WWC1: variants seen among roughly 807,000 people sequenced by gnomAD.
WWC1 encodes the protein WW and C2 domain containing 1.
In WWC1, 55 loss-of-function variants were observed where a neutral mutation model predicts 138.4. The ratio of observed to expected loss-of-function variants is 0.40; its 90% CI spans 0.32 to 0.50. The LOEUF (loss-of-function observed/expected upper bound fraction) is 0.50. Ranked by LOEUF, WWC1 falls within the 20% of genes least tolerant of loss-of-function variation. The pLI, the probability that WWC1 is intolerant of heterozygous loss-of-function variation, is 0.72. For missense variants in WWC1, 1,226 were observed against 1,420.4 expected (o/e 0.86, Z 2.20); for synonymous variants, 524 against 564.9 (o/e 0.93, Z 1.03).
At chr5:168,444,862 T>TAAAA (rs56691330) in intron 17 of WWC1, among the ~76,000 whole-genome samples, 8 of 144,790 alleles carry the variant, frequency 5.5e-5, no homozygotes, top group African/African-American at 7.6e-5. Context: ...TTTATTTTGC[T>TAAAA]AAAAAAAAAA....
intron 1 of WWC1, among the ~76,000 whole-genome samples, chr5:168,369,385 TTTG>T (rs941616553): frequency 3.3e-5 from 5 of 152,106 alleles, no homozygotes; most frequent in South Asian, 2.1e-4. Flanking sequence ...CCTTATTTGT[TTTG>T]TTGTTGTTGT....
chr5:168,367,371 C>A (rs1049391423), intron 1 of WWC1, among the ~76,000 whole-genome samples: 3 of 151,574 alleles, frequency 2.0e-5, no homozygotes, highest in Admixed American at 6.6e-5. Context: ...TTGCTCTGTC[C>A]CCCAGGCTGG....
intron 18 of WWC1, among the ~76,000 whole-genome samples, chr5:168,454,578 A>C (rs1756132546): frequency 6.6e-6 from 1 of 152,200 alleles, no homozygotes; most frequent in Admixed American, 6.5e-5. Context: ...CTAGGGTCAC[A>C]TTACAGCAGG....
At chr5:168,302,640 CGT>C (rs1197154644) in intron 1 of WWC1, among the ~76,000 whole-genome samples, 3 of 152,086 alleles carry the variant, frequency 2.0e-5, no homozygotes, top group Non-Finnish European at 4.4e-5. Context: ...GTCTCCAACT[CGT>C]AGAATTTACT....
At chr5:168,464,584 A>C in intron 20 of WWC1, 145 bp from the exon 21 acceptor site, 1 of 1,379,992 alleles carries the variant, frequency 7.2e-7, no homozygotes, top group South Asian at 1.5e-5. Flanking sequence ...GGGAGAATTC[A>C]AAACAGGCTT....
intron 3 of WWC1, among the ~76,000 whole-genome samples, chr5:168,390,163 A>G (rs1230456563): frequency 6.6e-6 from 1 of 152,202 alleles, no homozygotes; most frequent in African/African-American, 2.4e-5. Context: ...TATAAAATCA[A>G]TCTAATCATA....
intron 1 of WWC1, among the ~76,000 whole-genome samples, chr5:168,311,109 A>G (rs1211200609): frequency 6.6e-6 from 1 of 152,014 alleles, no homozygotes; most frequent in Non-Finnish European, 1.5e-5. Flanking sequence ...CATGCCCTAC[A>G]CTTTGCCATT....
rs1421443659 is a variant in WWC1 at position 168,292,931 on chromosome 5, A to C, written c.119+660A>C. Among the ~76,000 whole-genome samples the C allele has an allele frequency of 6.6e-6, 1 of 152,150 alleles. No individual in the cohort carries two copies. The highest frequency in any genetic ancestry group is 2.4e-5 in the African/African-American group (1 of 41,442). On this transcript the variant is annotated intron_variant, in intron 1 of 22. Coordinates refer to ENST00000265293, the MANE Select transcript of WWC1 (RefSeq NM_015238.3). This position sits in a 1 kb window ranked among gnomAD's most constrained non-coding sequence, Gnocchi z 4.4. ...ACTGGTTATCCAGGAATCTGGCAGCAACTTGGAAGCTGTTAGGATGGAGAT... is the reference window on the plus strand; with the variant it reads ...ACTGGTTATCCAGGAATCTGGCAGCCACTTGGAAGCTGTTAGGATGGAGAT...
rs67125136 is a variant in WWC1 at position 168,406,966 on chromosome 5, AAGAG to A, written c.720+652_720+655del. 6.6e-3 allele frequency among the ~76,000 whole-genome samples: 994 copies of A among 150,828 alleles called. 9 individuals carry two copies. The highest frequency in any genetic ancestry group is 0.023 in the African/African-American group (941 of 41,140). On this transcript the variant is annotated intron_variant, in intron 6 of 22. Transcript: ENST00000265293. ...CAAAAAATAAATAAATAAATAAATA[AAGAG>A]AGAGAGAGAGAGTCTTGCTATGTTG...
rs139884736 is a variant in WWC1, at chr5:168,423,872, C to T, written c.1614C>T (p.Ser538=). 5.9e-3 allele frequency: 9,603 copies of T among 1,614,078 alleles called. 53 individuals are homozygous for T. Among genetic ancestry groups the T allele is most frequent in the Non-Finnish European group, 7.3e-3 (8,616 of 1,179,982 alleles). Residue 538 remains serine, a synonymous_variant, in exon 11 of 23, where the codon TCC becomes TCT. Coordinates refer to ENST00000265293, the MANE Select transcript of WWC1 (RefSeq NM_015238.3). Reference sequence around the variant, plus strand: ...CCATGACCTCCCTATCCCCACGTTCCTCTCTCTCCTCCCCCTCCCCACCCT... The same window carrying T: ...CCATGACCTCCCTATCCCCACGTTCTTCTCTCTCCTCCCCCTCCCCACCCT... ...PKSMTSLSPR[S]SLSSPSPPCS...
At chr5:168,387,733 G>C (rs1778151891) in intron 3 of WWC1, among the ~76,000 whole-genome samples, 1 of 152,094 alleles carries the variant, frequency 6.6e-6, no homozygotes, top group Non-Finnish European at 1.5e-5. Flanking sequence ...ATTTAAGCCT[G>C]ACTATTTCCC....
intron 21 of WWC1, among the ~76,000 whole-genome samples, chr5:168,466,351 A>G (rs113375759): frequency 6.6e-6 from 1 of 152,194 alleles, no homozygotes; most frequent in Non-Finnish European, 1.5e-5. Context: ...TTTTTCATTT[A>G]TGAAAAATAA....
At chr5:168,399,753 GA>G (rs1288383236) in intron 5 of WWC1, among the ~76,000 whole-genome samples, 186 bp downstream of exon 5, 2 of 152,096 alleles carry the variant, frequency 1.3e-5, no homozygotes, top group Non-Finnish European at 2.9e-5. Context: ...GTGGGGTTTG[GA>G]AAGAGGAAAG....
chr5:168,417,044 T>C (rs1780712918), intron 9 of WWC1, among the ~76,000 whole-genome samples: 1 of 151,996 alleles, frequency 6.6e-6, no homozygotes, highest in East Asian at 1.9e-4. Flanking sequence ...ATTTTTGTAT[T>C]TTAGTAGAGG....
chr5:168,349,704 C>A (rs940460011), intron 1 of WWC1, among the ~76,000 whole-genome samples: 2 of 152,108 alleles, frequency 1.3e-5, no homozygotes, highest in African/African-American at 4.8e-5. Context: ...GCTCTCCTTC[C>A]CTTTGCTTCT....
intron 11 of WWC1, among the ~76,000 whole-genome samples, chr5:168,426,737 C>T (rs1582258653): frequency 1.3e-5 from 2 of 152,230 alleles, no homozygotes; most frequent in African/African-American, 4.8e-5. Flanking sequence ...CACCCATCGC[C>T]GTCCCCGGCC....
chr5:168,403,081 T>TCTTTCTC (rs58318789), intron 5 of WWC1, among the ~76,000 whole-genome samples: 2 of 140,202 alleles, frequency 1.4e-5, no homozygotes, highest in Non-Finnish European at 3.1e-5. Context: ...TTTCTTTCTT[T>TCTTTCTC]TCTTTCTTTT....
chr5:168,433,448 T>G (rs927239641), intron 15 of WWC1, among the ~76,000 whole-genome samples: 9 of 152,238 alleles, frequency 5.9e-5, no homozygotes, highest in Non-Finnish European at 1.3e-4. Context: ...ACAGCATCAC[T>G]GCTATTGATG....
rs117193838 is a variant in WWC1 at position 168,338,964 on chromosome 5, G to A, written c.120-32460G>A. On this transcript the variant is annotated intron_variant, in intron 1 of 22. Transcript: ENST00000265293. ...ATATAGTTTCAAATAGCTAGGAGGA[G>A]GATATTGAATGTTCCCAACACAAAT... Among the ~76,000 whole-genome samples the A allele has an allele frequency of 0.013, 2,019 of 152,220 alleles. 137 individuals carry two copies. In the East Asian group the frequency reaches 0.24, roughly 18 times the overall value.
Sources: allele counts gnomAD v4.1 joint callset (sites outside exome capture counted in the v4.1 genomes callset), GRCh38; gene constraint gnomAD v4.1.1; non-coding constraint Gnocchi (gnomAD v3.1); transcripts MANE v1.5; gene names NCBI Gene and HGNC (gene_info 2026-07-23, HGNC 2026-07-21).